Variants in ZNRF3 observed in about 807,000 individuals in gnomAD.
The protein encoded by ZNRF3 is zinc and ring finger 3.
A neutral mutation model predicts 72.5 loss-of-function variants in ZNRF3; 23 were observed. The observed-to-expected ratio is 0.32, with a 90% CI of 0.23 to 0.45. The LOEUF (loss-of-function observed/expected upper bound fraction) is 0.45, where lower values mean the gene tolerates loss of function less well. Ranked by LOEUF, ZNRF3 falls within the 20% of genes least tolerant of loss-of-function variation. The pLI is 1.00. For missense variants in ZNRF3, 1,169 were observed against 1,272.1 expected, an observed-to-expected ratio of 0.92 and a Z score of 1.23; for synonymous variants, 610 against 545.3, an observed-to-expected ratio of 1.12 and a Z score of -1.65.
chr22:28,950,941 G>A (rs553363888), intron 1 of ZNRF3, among the ~76,000 whole-genome samples: 141 of 152,258 alleles, frequency 9.3e-4, no homozygotes, highest in Non-Finnish European at 1.7e-3. Flanking sequence ...CTGGCAACAG[G>A]CCTCTGCCAA....
intron 2 of ZNRF3, among the ~76,000 whole-genome samples, chr22:29,016,028 A>C (rs1405768753): frequency 7.0e-6 from 1 of 143,056 alleles, no homozygotes; most frequent in Non-Finnish European, 1.5e-5. Flanking sequence ...AAAAAAAAAA[A>C]ACAAAAAAAC....
intron 1 of ZNRF3, among the ~76,000 whole-genome samples, chr22:28,963,455 G>A (rs543296112): frequency 7.9e-5 from 12 of 152,266 alleles, no homozygotes; most frequent in Non-Finnish European, 1.2e-4. Context: ...GCTGTTAATC[G>A]CAGGAGAGGG....
intron 1 of ZNRF3, among the ~76,000 whole-genome samples, chr22:28,955,299 A>G (rs2035239541): frequency 6.6e-6 from 1 of 152,116 alleles, no homozygotes; most frequent in Admixed American, 6.5e-5. Flanking sequence ...CTCCTTCACC[A>G]GCCTTCCAAA....
intron 2 of ZNRF3, among the ~76,000 whole-genome samples, chr22:28,992,439 A>G (rs1369625052): frequency 6.6e-6 from 1 of 151,508 alleles, no homozygotes; most frequent in African/African-American, 2.4e-5. Context: ...TTCTCCATCC[A>G]CGCATCTGCT....
intron 1 of ZNRF3, among the ~76,000 whole-genome samples, chr22:28,952,263 C>T (rs1455374690): frequency 6.6e-6 from 1 of 152,190 alleles, no homozygotes; most frequent in Non-Finnish European, 1.5e-5. Flanking sequence ...TTGCTGTTAA[C>T]CTTGCTAAGT....
At chr22:28,979,639 T>C (rs1334203833) in intron 1 of ZNRF3, among the ~76,000 whole-genome samples, 2 of 152,224 alleles carry the variant, frequency 1.3e-5, no homozygotes, top group Non-Finnish European at 2.9e-5. Flanking sequence ...CTATTTGCCC[T>C]GGTCCCTCAC....
chr22:28,942,398 G>A (rs1045769645), intron 1 of ZNRF3, among the ~76,000 whole-genome samples: 1 of 152,184 alleles, frequency 6.6e-6, no homozygotes. Context: ...AGCCTTGGTA[G>A]CAACCAGAAA....
chr22:28,887,229 AGAGAGAGT>A (rs769982315), intron 1 of ZNRF3, among the ~76,000 whole-genome samples: 7,970 of 138,908 alleles, frequency 0.057, 294 homozygotes, highest in African/African-American at 0.11. Flanking sequence ...GAAGAGAGAG[AGAGAGAGT>A]GTGTGTGTGT....
chr22:28,992,162 T>TCCCCCCAA (rs2035965288), intron 2 of ZNRF3, among the ~76,000 whole-genome samples: 1 of 124,622 alleles, frequency 8.0e-6, no homozygotes, highest in Non-Finnish European at 1.7e-5. Flanking sequence ...CTCTCCCTCT[T>TCCCCCCAA]CCCCCCAACC....
intron 2 of ZNRF3, among the ~76,000 whole-genome samples, chr22:28,993,418 G>T (rs1236272195): frequency 6.6e-6 from 1 of 152,164 alleles, no homozygotes; most frequent in Non-Finnish European, 1.5e-5. Flanking sequence ...TTTAATCCTG[G>T]CTCTTCTGAT....
intron 2 of ZNRF3, among the ~76,000 whole-genome samples, chr22:29,036,120 A>G (rs2036863614): frequency 6.6e-6 from 1 of 152,240 alleles, no homozygotes; most frequent in Non-Finnish European, 1.5e-5. Context: ...ATGCTGGGAT[A>G]TAGGGGGTAA....
At chr22:28,902,471 G>C (rs2034126701) in intron 1 of ZNRF3, among the ~76,000 whole-genome samples, 1 of 151,644 alleles carries the variant, frequency 6.6e-6, no homozygotes, top group Non-Finnish European at 1.5e-5. Context: ...CGAACTCCCT[G>C]TCCTGCGCTC....
At chr22:28,958,732 T>A (rs1280887470) in intron 1 of ZNRF3, among the ~76,000 whole-genome samples, 5 of 152,206 alleles carry the variant, frequency 3.3e-5, no homozygotes, top group Non-Finnish European at 7.3e-5. Flanking sequence ...TCTCCTCCCC[T>A]CCTTGTGTAC....
At position 29,049,527 on chromosome 22, in the gene ZNRF3, C is replaced by G; in HGVS notation, c.1346C>G (p.Pro449Arg). Residue 449 changes from proline (P) to arginine (R), a missense_variant, in exon 8 of 9, where the codon CCC (proline) becomes CGC (arginine). By Grantham distance (103) the Pro-to-Arg change is moderately radical (BLOSUM62 -2). This residue lies in a region of ZNRF3 where 783 missense variants were observed against 731.4 expected (regional missense o/e 1.07). Coordinates refer to ENST00000544604, the MANE Select transcript of ZNRF3 (RefSeq NM_001206998.2). This position sits in a 1 kb window ranked among gnomAD's most constrained non-coding sequence, Gnocchi z 5.2. ...AYSPAHPFRR[P>R]KLSGRSFSKA... is the part of the protein sequence containing the mutation. ...TCCCCAGCCCACCCCTTCCGCAGGC[C>G]CAAGTTGAGTGGCCGCAGCTTCTCC... is the stretch of plus-strand genomic sequence containing the variant. 6.2e-7 allele frequency: 1 copy of G among 1,604,854 alleles called. No homozygotes were observed. The highest frequency in any genetic ancestry group is 8.5e-7 in the Non-Finnish European group (1 of 1,178,792).
chr22:29,043,156 C>G, intron 3 of ZNRF3, 143 bp from the exon 4 acceptor site: 1 of 911,498 alleles, frequency 1.1e-6, no homozygotes, highest in Non-Finnish European at 1.6e-6. Flanking sequence ...CCTTGCTCTT[C>G]TGGGAGCTCC....
chr22:28,896,376 G>A (rs1220960207), intron 1 of ZNRF3, among the ~76,000 whole-genome samples: 2 of 151,828 alleles, frequency 1.3e-5, no homozygotes, highest in Middle Eastern at 3.2e-3. Context: ...CTCGTGATCC[G>A]CCCGCCTCGG....
chr22:28,893,089 C>G (rs1190843617), intron 1 of ZNRF3, among the ~76,000 whole-genome samples: 1 of 152,052 alleles, frequency 6.6e-6, no homozygotes, highest in African/African-American at 2.4e-5. Context: ...ATGGTGTGAA[C>G]CCGGCAGGTG....
chr22:28,970,903 G>A (rs2035562348), intron 1 of ZNRF3, among the ~76,000 whole-genome samples: 1 of 152,184 alleles, frequency 6.6e-6, no homozygotes, highest in South Asian at 2.1e-4. Context: ...AAACTTTCTG[G>A]GGTGATGAAA....
chr22:29,053,304 A>G (rs1337802573), intron 8 of ZNRF3, among the ~76,000 whole-genome samples: 1 of 152,150 alleles, frequency 6.6e-6, no homozygotes, highest in Non-Finnish European at 1.5e-5. Context: ...GGCCTGACGC[A>G]CACCGGGCAC....
Sources: gnomAD v4.1 joint callset for allele counts (sites outside exome capture counted in the v4.1 genomes callset) on GRCh38, gnomAD v4.1.1 for gene constraint, gnomAD v4.1.1 regional missense constraint, Gnocchi (gnomAD v3.1) non-coding constraint, MANE v1.5 for transcripts, NCBI Gene and HGNC (gene_info 2026-07-23, HGNC 2026-07-21) for gene names.